The following PRKG1 variants were observed in gnomAD, a reference collection of about 807,000 sequenced individuals.
The protein encoded by PRKG1 is cGMP-dependent protein kinase 1.
PRKG1 carries 35 observed loss-of-function variants against 88.1 expected under a neutral mutation model. The ratio of observed to expected loss-of-function variants is 0.40; its 90% CI spans 0.30 to 0.53. The LOEUF is 0.53. PRKG1 is among the 20% of genes least tolerant of loss of function. PRKG1 has a pLI of 0.59. For missense variants in PRKG1, 540 were observed against 839.8 expected (o/e 0.64, Z 4.41); for synonymous variants, 303 against 292.5 (o/e 1.04, Z -0.37).
intron 2 of PRKG1, among the ~76,000 whole-genome samples, chr10:51,342,725 G>A (rs1842028488): frequency 6.6e-6 from 1 of 152,016 alleles, no homozygotes; most frequent in Non-Finnish European, 1.5e-5. Flanking sequence ...ACCATTACAG[G>A]TAATACAATC....
chr10:52,084,698 A>G (rs982621691), intron 7 of PRKG1, among the ~76,000 whole-genome samples: 1 of 152,030 alleles, frequency 6.6e-6, no homozygotes, highest in African/African-American at 2.4e-5. Context: ...TTCTTATGTA[A>G]TGACTATACA....
chr10:50,994,000 C>T (rs1220657360), intron 1 of PRKG1, among the ~76,000 whole-genome samples: 3 of 152,148 alleles, frequency 2.0e-5, no homozygotes, highest in Admixed American at 6.5e-5. Context: ...ATATTTGTGT[C>T]TATAGCAAAT....
At chr10:51,528,919 C>T (rs1032086871) in intron 3 of PRKG1, among the ~76,000 whole-genome samples, 3 of 152,036 alleles carry the variant, frequency 2.0e-5, no homozygotes, top group African/African-American at 4.8e-5. Context: ...ACAGGTCATA[C>T]CTACTGATTA....
intron 2 of PRKG1, among the ~76,000 whole-genome samples, chr10:51,207,254 T>C (rs113772634): frequency 0.02 from 3,066 of 152,266 alleles, 48 homozygotes; most frequent in Middle Eastern, 0.051. Context: ...AGGAAAAAAA[T>C]TATCTTGATT....
intron 4 of PRKG1, among the ~76,000 whole-genome samples, chr10:51,812,200 A>C (rs1839474325): frequency 3.3e-5 from 5 of 152,206 alleles, no homozygotes; most frequent in African/African-American, 9.6e-5. Flanking sequence ...GTAGCATAAA[A>C]ATCCATGCTT....
At position 52,178,518 on chromosome 10, in the gene PRKG1, G is replaced by A. The variant is rs141011941; in HGVS notation, c.1076+16555G>A. On this transcript the variant is annotated intron_variant, in intron 9 of 17. Coordinates refer to ENST00000373980, the MANE Select transcript of PRKG1 (RefSeq NM_006258.4). ...TAATATCTGTTAGGTTCATTTGCTC[G>A]ATGGTGTACTTTAAATCTAATGTTT... is the stretch of plus-strand genomic sequence containing the variant. 4.7e-3 allele frequency among the ~76,000 whole-genome samples: 721 copies of A among 152,056 alleles called. 27 individuals carry two copies. The highest frequency in any genetic ancestry group is 0.043 in the Admixed American group (653 of 15,264).
intron 2 of PRKG1, among the ~76,000 whole-genome samples, chr10:51,443,819 A>C (rs1245834053): frequency 6.6e-6 from 1 of 152,052 alleles, no homozygotes; most frequent in Non-Finnish European, 1.5e-5. Context: ...AGACATCAGT[A>C]CTTACAAATC....
chr10:51,510,215 A>G (rs1841352029), intron 3 of PRKG1, among the ~76,000 whole-genome samples: 1 of 152,154 alleles, frequency 6.6e-6, no homozygotes, highest in Non-Finnish European at 1.5e-5. Flanking sequence ...TTGATTGGCA[A>G]ATAAATATAG....
intron 4 of PRKG1, among the ~76,000 whole-genome samples, chr10:51,816,387 A>G (rs1839585447): frequency 6.6e-6 from 1 of 152,186 alleles, no homozygotes. Context: ...AATAGAACAA[A>G]TACTTGTAAA....
At chr10:51,186,960 ATATATATATATATATATATATATG>A (rs1837506226) in intron 2 of PRKG1, among the ~76,000 whole-genome samples, 1 of 58,208 alleles carries the variant, frequency 1.7e-5, no homozygotes, top group African/African-American at 3.8e-5. Context: ...TGTGTTATAT[ATATATATATATATATATATATATG>A]TATATATATA....
intron 3 of PRKG1, among the ~76,000 whole-genome samples, chr10:51,607,650 T>C (rs141489197): frequency 3.3e-5 from 5 of 152,286 alleles, no homozygotes; most frequent in Non-Finnish European, 5.9e-5. Context: ...CCGAAGCCAG[T>C]TGGATCCCTC....
rs1842848378 is a variant in PRKG1 at position 50,997,487 on chromosome 10, T to G, written c.266+5843T>G. On this transcript the variant is annotated intron_variant, in intron 1 of 17. Coordinates refer to the PRKG1 transcript ENST00000401604. Reference sequence around the variant, plus strand: ...TCCTCTTTCCTGACTACGGTCCTGTTTCCTAGTGCCCTCTCACCATAACAT... The same window carrying G: ...TCCTCTTTCCTGACTACGGTCCTGTGTCCTAGTGCCCTCTCACCATAACAT... 2.0e-5 allele frequency among the ~76,000 whole-genome samples: 3 copies of G among 152,288 alleles called. No homozygotes were observed. The South Asian group carries it at 6.2e-4, about 32-fold the overall frequency.
intron 2 of PRKG1, among the ~76,000 whole-genome samples, chr10:51,438,716 A>T (rs371797313): frequency 1.4e-4 from 21 of 152,058 alleles, no homozygotes; most frequent in African/African-American, 4.8e-4. Context: ...ACTTAGTTCT[A>T]CAGCTTACAC....
chr10:51,405,072 T>C (rs1373242478), intron 2 of PRKG1, among the ~76,000 whole-genome samples: 1 of 152,228 alleles, frequency 6.6e-6, no homozygotes, highest in Admixed American at 6.5e-5. Context: ...TTATATATGT[T>C]TTGGGAAATT....
intron 5 of PRKG1, among the ~76,000 whole-genome samples, chr10:51,972,364 C>T (rs182363478): frequency 6.6e-6 from 1 of 152,254 alleles, no homozygotes; most frequent in Admixed American, 6.5e-5. Context: ...TGCAGCAATG[C>T]TGTTCTTGAG....
At chr10:51,624,198 T>G (rs549319236) in intron 3 of PRKG1, among the ~76,000 whole-genome samples, 35 of 152,182 alleles carry the variant, frequency 2.3e-4, no homozygotes, top group Non-Finnish European at 4.4e-4. Context: ...ACCATAAAGT[T>G]AAAGTGTGTC....
At chr10:51,326,014 G>T (rs1023971729) in intron 2 of PRKG1, among the ~76,000 whole-genome samples, 1 of 152,192 alleles carries the variant, frequency 6.6e-6, no homozygotes, top group African/African-American at 2.4e-5. Context: ...AGCAACCTTA[G>T]AAAGCTGCTC....
rs1433048297 is a variant in PRKG1, at chr10:51,205,127, C to CTTTCTTTTTTTTTTTTTTT, written c.478+51800_478+51801insCTTTTTTTTTTTTTTTTTT. ...TAAGGAAGAATTTTCATTTTCTTTT[C>CTTTCTTTTTTTTTTTTTTT]TTTTTTTTTTTTTTTTTTTTTTTTT... On this transcript the variant is annotated intron_variant, in intron 2 of 17. Coordinates refer to ENST00000373980, the MANE Select transcript of PRKG1 (RefSeq NM_006258.4). Among the ~76,000 whole-genome samples, 576 of 64,048 alleles carry CTTTCTTTTTTTTTTTTTTT rather than the reference C, an allele frequency of 9.0e-3. 148 individuals carry two copies. The highest frequency in any genetic ancestry group is 0.014 in the South Asian group (21 of 1,456). The allele number at this position is 64,048 out of a possible 152,430, so 42.0% of individuals were successfully genotyped here.
At chr10:51,022,127 C>G (rs1349448290) in intron 1 of PRKG1, among the ~76,000 whole-genome samples, 3 of 152,188 alleles carry the variant, frequency 2.0e-5, no homozygotes, top group Non-Finnish European at 4.4e-5. Context: ...GGAGTTCTGT[C>G]CTCCTTGAAG....
Sources: allele counts gnomAD v4.1 joint callset (sites outside exome capture counted in the v4.1 genomes callset), GRCh38; gene constraint gnomAD v4.1.1; transcripts MANE v1.5; gene names NCBI Gene and HGNC (gene_info 2026-07-23, HGNC 2026-07-21).